The following LMO7 variants were observed in gnomAD, a reference collection of about 807,000 sequenced individuals.
LMO7 encodes LIM domain 7.
Under a neutral mutation model 206.5 loss-of-function variants are expected in LMO7, and 120 were observed. The ratio of observed to expected loss-of-function variants is 0.58; its 90% CI spans 0.50 to 0.68. The LOEUF (loss-of-function observed/expected upper bound fraction) is 0.68. LMO7 is among the 30% of genes least tolerant of loss of function. The pLI, the probability that LMO7 is intolerant of heterozygous loss-of-function variation, is 0.00. For missense variants in LMO7, 1,959 were observed against 1,957.9 expected (o/e 1.00, Z -0.01); for synonymous variants, 706 against 681.5 (o/e 1.04, Z -0.56).
chr13:75,796,268 C>A (rs964853314), intron 5 of LMO7, among the ~76,000 whole-genome samples: 8 of 152,240 alleles, frequency 5.3e-5, no homozygotes, highest in Middle Eastern at 3.4e-3. Flanking sequence ...ATTAAGGAAG[C>A]TGAGAATTAT....
In LMO7 at chr13:75,817,051, C is replaced by T. The variant is rs545658609; in HGVS notation, c.1947-110C>T. 94 of 697,518 alleles carry T rather than the reference C, an allele frequency of 1.3e-4. 2 individuals are homozygous for T. In the South Asian group the frequency reaches 1.5e-3, roughly 11 times the overall value. The allele number at this position is 697,518 out of a possible 1,614,324, so 43.2% of individuals were successfully genotyped here. ...TACTTCTGTGACACTATCACTGAAG[C>T]GTCTAGGTAGAAATTTAGGTGGAAT... On this transcript the variant is annotated intron_variant, in intron 11 of 30. Transcript: ENST00000377534.
At chr13:75,715,616 T>C (rs1281190558) in intron 2 of LMO7, among the ~76,000 whole-genome samples, 1 of 152,260 alleles carries the variant, frequency 6.6e-6, no homozygotes, top group Non-Finnish European at 1.5e-5. Flanking sequence ...CTGCATAATA[T>C]TTTTATTAAA....
At chr13:75,625,530 A>C (rs9530453) in intron 2 of LMO7, among the ~76,000 whole-genome samples, 67,054 of 151,990 alleles carry the variant, frequency 0.44, 16,322 homozygotes, top group East Asian at 0.63. Flanking sequence ...TGATTTTCTC[A>C]GTAAGCATAA....
chr13:75,853,309 G>T lies in LMO7; in HGVS notation c.4582G>T (p.Gly1528Cys). The part of the protein sequence containing the change: ...SAGSVKTSTT[G>C]VATTQSPTPR... ...TGGCTCCGTGAAGACCTCCACCACA[G>T]GTGTGGCCACCACACAGTCCCCCAC... is the stretch of plus-strand genomic sequence containing the variant. Residue 1528 changes from glycine to cysteine, a missense_variant, in exon 28 of 31, where the codon GGT (glycine) becomes TGT (cysteine). Gly to Cys is a radical substitution (Grantham distance 159). Coordinates refer to ENST00000377534, the MANE Select transcript of LMO7 (RefSeq NM_001306080.2). 1 of 1,614,010 alleles carries T rather than the reference G, an allele frequency of 6.2e-7. No homozygotes were observed. The highest frequency in any genetic ancestry group is 8.5e-7 in the Non-Finnish European group (1 of 1,179,938).
At chr13:75,672,919 ATG>A (rs35138253) in intron 1 of LMO7, among the ~76,000 whole-genome samples, 78,828 of 151,704 alleles carry the variant, frequency 0.52, 21,599 homozygotes, top group Middle Eastern at 0.65. Flanking sequence ...GTGACTTGAT[ATG>A]TGTGTGTGTG....
At chr13:75,687,859 T>C (rs1477011795) in intron 1 of LMO7, among the ~76,000 whole-genome samples, 3 of 152,214 alleles carry the variant, frequency 2.0e-5, no homozygotes, top group Non-Finnish European at 4.4e-5. Flanking sequence ...TTTTGCTGTG[T>C]CCCTACCCAA....
At chr13:75,663,435 T>TC (rs1555289858) in intron 1 of LMO7, among the ~76,000 whole-genome samples, 2,384 of 111,702 alleles carry the variant, frequency 0.021, 37 homozygotes, top group Non-Finnish European at 0.028. Context: ...TTTCTTTCTT[T>TC]TTTTTTTTTT....
At chr13:75,658,916 G>A (rs1018145013) in intron 1 of LMO7, among the ~76,000 whole-genome samples, 4 of 152,138 alleles carry the variant, frequency 2.6e-5, no homozygotes, top group Non-Finnish European at 5.9e-5. Context: ...ATTGGTTAGT[G>A]TAGAAAAATG....
At chr13:75,792,764 GC>G (rs961325130) in intron 4 of LMO7, among the ~76,000 whole-genome samples, 1 of 152,172 alleles carries the variant, frequency 6.6e-6, no homozygotes, top group Non-Finnish European at 1.5e-5. Flanking sequence ...TGAATTCCTG[GC>G]ATTGCATTTC....
At chr13:75,721,877 G>A (rs1018305488) in intron 2 of LMO7, among the ~76,000 whole-genome samples, 3 of 152,130 alleles carry the variant, frequency 2.0e-5, no homozygotes, top group African/African-American at 7.2e-5. Flanking sequence ...CAATAGAACA[G>A]AATAAAGAAC....
chr13:75,821,144 C>A (rs1477807803), intron 13 of LMO7, 33 bp from the exon 14 acceptor site: 2 of 1,533,366 alleles, frequency 1.3e-6, no homozygotes, highest in East Asian at 2.3e-5. Context: ...AAATGTGTGT[C>A]TTTGTGGTGA....
intron 1 of LMO7, among the ~76,000 whole-genome samples, chr13:75,639,946 C>G (rs1005657925): frequency 6.6e-6 from 1 of 152,190 alleles, no homozygotes; most frequent in Non-Finnish European, 1.5e-5. Context: ...AAGTCTGGCA[C>G]TAGAATATGA....
intron 15 of LMO7, among the ~76,000 whole-genome samples, chr13:75,831,090 C>CTACCAGTAG (rs1157105025): frequency 6.6e-6 from 1 of 151,948 alleles, no homozygotes; most frequent in Non-Finnish European, 1.5e-5. Flanking sequence ...GGAGTAGAAC[C>CTACCAGTAG]TACCAGTAGT....
chr13:75,820,193 A>G (rs1260649989), intron 13 of LMO7, among the ~76,000 whole-genome samples: 4 of 152,246 alleles, frequency 2.6e-5, no homozygotes, highest in African/African-American at 4.8e-5. Flanking sequence ...CCTAAAAGCC[A>G]AAGATAAGCA....
chr13:75,807,937 G>A lies in LMO7; in HGVS notation c.1654G>A (p.Glu552Lys). ...PFPEPWTLPP[E>K]IQAKFLCVLE... ...TCCCGAACCCTGGACTCTTCCTCCA[G>A]AAATTCAAGCAAAATTTCTCTGTGT... is the stretch of plus-strand genomic sequence containing the variant. Residue 552 changes from glutamate (E) to lysine (K), a missense_variant, in exon 10 of 31, where the codon GAA (glutamate) becomes AAA (lysine). Transcript: ENST00000377534. The A allele has an allele frequency of 6.2e-7, 1 of 1,613,924 alleles. No individual in the cohort carries two copies. Among genetic ancestry groups the A allele is most frequent in the Non-Finnish European group, 8.5e-7 (1 of 1,179,878 alleles).
chr13:75,854,003 G>T (rs1334499756), intron 28 of LMO7, among the ~76,000 whole-genome samples: 1 of 152,172 alleles, frequency 6.6e-6, no homozygotes, highest in Non-Finnish European at 1.5e-5. Flanking sequence ...GGATTCGGTG[G>T]GGAATATGGT....
chr13:75,803,349 T>C (rs765621477), intron 7 of LMO7, among the ~76,000 whole-genome samples: 1 of 152,184 alleles, frequency 6.6e-6, no homozygotes, highest in Admixed American at 6.5e-5. Flanking sequence ...GCTGAGAGCT[T>C]GTAGCTGTCA....
intron 1 of LMO7, among the ~76,000 whole-genome samples, chr13:75,686,787 C>T (rs888979187): frequency 4.6e-5 from 7 of 152,090 alleles, no homozygotes; most frequent in Non-Finnish European, 1.5e-5. Context: ...GCTTCAGCAA[C>T]AGACACTTAT....
intron 23 of LMO7, 100 bp downstream of exon 23, chr13:75,841,301 A>G (rs368360747): frequency 2.0e-5 from 15 of 760,166 alleles, no homozygotes; most frequent in East Asian, 1.8e-4. Flanking sequence ...ACCTTTGACC[A>G]TATGTTCACC....
Sources: gnomAD v4.1 joint callset for allele counts (sites outside exome capture counted in the v4.1 genomes callset) on GRCh38, gnomAD v4.1.1 for gene constraint, MANE v1.5 for transcripts, NCBI Gene and HGNC (gene_info 2026-07-23, HGNC 2026-07-21) for gene names.